The following CHD6 variants were observed in gnomAD, a reference collection of about 807,000 sequenced individuals.
CHD6 encodes the protein ATP-dependent chromatin remodeler CHD6.
Under a neutral mutation model 276.9 loss-of-function variants are expected in CHD6, and 50 were observed. That is an observed-to-expected ratio of 0.18 (90% CI 0.14 to 0.23). CHD6 has a LOEUF of 0.23. CHD6 is among the 10% of genes least tolerant of loss of function. The pLI is 1.00. For missense variants in CHD6, 2,564 were observed against 3,365.8 expected (o/e 0.76, Z 5.89); for synonymous variants, 1,173 against 1,229.3 (o/e 0.95, Z 0.96).
intron 27 of CHD6, among the ~76,000 whole-genome samples, 161 bp from the exon 28 acceptor site, chr20:41,426,314 A>C (rs1038857585): frequency 1.3e-5 from 2 of 152,224 alleles, no homozygotes; most frequent in African/African-American, 4.8e-5. Context: ...ACTTCTGTAC[A>C]ATCTTAAAAG....
chr20:41,525,643 C>T (rs1449623374), intron 3 of CHD6, among the ~76,000 whole-genome samples: 3 of 152,186 alleles, frequency 2.0e-5, no homozygotes, highest in Non-Finnish European at 2.9e-5. Context: ...AAGCAGGCTG[C>T]GTGTACCATC....
chr20:41,467,021 G>T (rs2042936273), intron 17 of CHD6, among the ~76,000 whole-genome samples: 1 of 152,198 alleles, frequency 6.6e-6, no homozygotes, highest in African/African-American at 2.4e-5. Context: ...CAGTGGAGCA[G>T]AAAGACAGGA....
At chr20:41,415,746 CTT>C in intron 33 of CHD6, 108 bp from the exon 34 acceptor site, 1 of 840,734 alleles carries the variant, frequency 1.2e-6, no homozygotes, top group Non-Finnish European at 1.8e-6. Context: ...TTCCAATCAT[CTT>C]TTTAGGAGTT....
chr20:41,563,896 G>C (rs1473603263), intron 1 of CHD6: 3 of 597,132 alleles, frequency 5.0e-6, no homozygotes, highest in Non-Finnish European at 9.0e-6. Context: ...TATGGGGGAA[G>C]ACAAAGGGTT....
intron 1 of CHD6, among the ~76,000 whole-genome samples, chr20:41,586,145 C>T (rs1178041645): frequency 1.3e-5 from 2 of 152,204 alleles, no homozygotes; most frequent in Non-Finnish European, 2.9e-5. Flanking sequence ...GGTCCCCTCC[C>T]ATTGTATGGG....
intron 1 of CHD6, among the ~76,000 whole-genome samples, chr20:41,597,687 AG>A (rs2045732129): frequency 6.6e-6 from 1 of 152,016 alleles, no homozygotes; most frequent in Non-Finnish European, 1.5e-5. Context: ...AACCCCCATC[AG>A]AGTAATGTTA....
rs1351492824 is a variant in CHD6 at position 41,484,578 on chromosome 20, T to C, written c.2031A>G (p.Pro677=). ...CATCTTTCAGCCGCCGAAGCATCATTGGTTTTAGGATAGACTGCAGTTTCT... is the reference window on the plus strand; with the variant it reads ...CATCTTTCAGCCGCCGAAGCATCATCGGTTTTAGGATAGACTGCAGTTTCT... The part of the protein sequence containing the change: ...QVKKLQSILK[P]MMLRRLKDDV... The change falls in exon 15 of 37, where the codon CCA becomes CCG. Residue 677 remains proline (P), a synonymous_variant. Transcript: ENST00000373233. 3 of 1,613,808 alleles carry C rather than the reference T, an allele frequency of 1.9e-6. No individual in the cohort carries two copies. The highest frequency in any genetic ancestry group is 2.5e-6 in the Non-Finnish European group (3 of 1,179,806).
chr20:41,492,304 A>C (rs955358842), intron 10 of CHD6, among the ~76,000 whole-genome samples: 1 of 152,228 alleles, frequency 6.6e-6, no homozygotes, highest in East Asian at 1.9e-4. Flanking sequence ...AAAGAATAAT[A>C]ATCAACCATG....
intron 1 of CHD6, among the ~76,000 whole-genome samples, chr20:41,563,796 C>T (rs1324671940): frequency 6.6e-6 from 1 of 152,126 alleles, no homozygotes; most frequent in African/African-American, 2.4e-5. Context: ...CAGGAATGAA[C>T]ACAGCTGTGA....
At chr20:41,525,144 A>G (rs979464735) in intron 3 of CHD6, among the ~76,000 whole-genome samples, 13 of 152,080 alleles carry the variant, frequency 8.5e-5, no homozygotes, top group Non-Finnish European at 1.3e-4. Flanking sequence ...CACCGTACAC[A>G]TGGCAAGACT....
chr20:41,526,428 T>A (rs909346904), intron 3 of CHD6, among the ~76,000 whole-genome samples: 1 of 152,244 alleles, frequency 6.6e-6, no homozygotes, highest in Non-Finnish European at 1.5e-5. Context: ...AGATAGCTGA[T>A]TGACCTTCAA....
rs1384161547 is a variant in CHD6, at chr20:41,425,315, A to C, written c.4209T>G (p.Thr1403=). The C allele has an allele frequency of 3.1e-6, 5 of 1,614,236 alleles. No homozygotes were observed. In the Admixed American group the frequency reaches 8.3e-5, roughly 27 times the overall value. ...CCTTGCGGTTGCAGCGCTGGTAAACAGTGACCAGACGTCTGAGACGAGCTG... is the reference window on the plus strand; with the variant it reads ...CCTTGCGGTTGCAGCGCTGGTAAACCGTGACCAGACGTCTGAGACGAGCTG... ...ALTARLRRLV[T]VYQRCNRKEL... Residue 1403 remains threonine, a synonymous_variant, in exon 29 of 37, where the codon ACT becomes ACG. Transcript: ENST00000373233.
chr20:41,508,702 T>C (rs73123242), intron 5 of CHD6, among the ~76,000 whole-genome samples: 5 of 152,056 alleles, frequency 3.3e-5, no homozygotes, highest in Non-Finnish European at 7.4e-5. Flanking sequence ...AACAGACACT[T>C]CTGCACCGAG....
rs2046585891 is a variant in CHD6 at position 41,403,495 on chromosome 20, G to C, written c.*1098C>G. 3 of 1,062,252 alleles carry C rather than the reference G, an allele frequency of 2.8e-6. No individual in the cohort carries two copies. Among genetic ancestry groups the C allele is most frequent in the Non-Finnish European group, 3.4e-6 (3 of 877,506 alleles). 65.8% of individuals were successfully genotyped at this position (1,062,252 alleles called of 1,614,324 possible). On this transcript the variant is annotated 3_prime_UTR_variant, in exon 37 of 37. Coordinates refer to ENST00000373233, the MANE Select transcript of CHD6 (RefSeq NM_032221.5). The stretch of plus-strand genomic sequence containing the variant: ...GATAATTTGGAATTTGGGTCCAACT[G>C]TAAGATATAAACAGAATGGAGAAAT...
chr20:41,437,530 C>A (rs2047751230), intron 26 of CHD6, among the ~76,000 whole-genome samples, 196 bp from the exon 27 acceptor site: 1 of 152,020 alleles, frequency 6.6e-6, no homozygotes, highest in Non-Finnish European at 1.5e-5. Context: ...GTTGTTAATC[C>A]CTTACTGTCC....
chr20:41,577,345 A>T (rs1290577741), intron 1 of CHD6, among the ~76,000 whole-genome samples: 1 of 152,222 alleles, frequency 6.6e-6, no homozygotes, highest in Non-Finnish European at 1.5e-5. Context: ...TGTAACAAGC[A>T]GCTTTAACTT....
chr20:41,442,605 C>T (rs2047934659), intron 25 of CHD6, among the ~76,000 whole-genome samples: 1 of 152,210 alleles, frequency 6.6e-6, no homozygotes. Context: ...GAACACTAGA[C>T]AGACTGGCTT....
At chr20:41,446,352 A>G (rs2145632002) in intron 24 of CHD6, among the ~76,000 whole-genome samples, 1 of 152,244 alleles carries the variant, frequency 6.6e-6, no homozygotes, top group African/African-American at 2.4e-5. Context: ...ATCAAAATTG[A>G]TCAAAAACTG....
intron 2 of CHD6, among the ~76,000 whole-genome samples, chr20:41,540,795 A>G (rs1360047002): frequency 6.6e-6 from 1 of 152,212 alleles, no homozygotes; most frequent in Non-Finnish European, 1.5e-5. Context: ...AAAAACGAGT[A>G]GAAAAGCTCA....
Sources: allele counts gnomAD v4.1 joint callset (sites outside exome capture counted in the v4.1 genomes callset), GRCh38; gene constraint gnomAD v4.1.1; transcripts MANE v1.5; gene names NCBI Gene and HGNC (gene_info 2026-07-23, HGNC 2026-07-21).